The following MINPP1 variants were observed in gnomAD, a reference collection of about 807,000 sequenced individuals.
MINPP1 encodes multiple inositol polyphosphate phosphatase 1.
Under a neutral mutation model 46.1 loss-of-function variants are expected in MINPP1, and 28 were observed. The ratio of observed to expected loss-of-function variants is 0.61; its 90% CI spans 0.45 to 0.83. MINPP1 has a LOEUF of 0.83. Ranked by LOEUF, MINPP1 falls within the 40% of genes least tolerant of loss-of-function variation. The pLI, the probability that MINPP1 is intolerant of heterozygous loss-of-function variation, is 0.00. For missense variants in MINPP1, 603 were observed against 610.0 expected, an observed-to-expected ratio of 0.99 and a Z score of 0.12; for synonymous variants, 268 against 249.1, an observed-to-expected ratio of 1.08 and a Z score of -0.72.
At chr10:87,533,770 T>A (rs1291744746) in intron 4 of MINPP1, among the ~76,000 whole-genome samples, 1 of 152,194 alleles carries the variant, frequency 6.6e-6, no homozygotes, top group African/African-American at 2.4e-5. Flanking sequence ...GTCTATAAGG[T>A]ATGGCTTTTT....
At chr10:87,542,255 A>C (rs1851825402) in intron 4 of MINPP1, among the ~76,000 whole-genome samples, 1 of 152,110 alleles carries the variant, frequency 6.6e-6, no homozygotes, top group Non-Finnish European at 1.5e-5. Flanking sequence ...GCTCTGTGCA[A>C]ATCTGAAACC....
At chr10:87,523,041 G>C (rs983344387) in intron 4 of MINPP1, among the ~76,000 whole-genome samples, 1 of 152,156 alleles carries the variant, frequency 6.6e-6, no homozygotes, top group East Asian at 1.9e-4. Flanking sequence ...GTTTGATCAT[G>C]ATATTGCAGT....
chr10:87,538,433 G>A (rs1339955151), intron 4 of MINPP1, among the ~76,000 whole-genome samples: 2 of 152,306 alleles, frequency 1.3e-5, no homozygotes, highest in East Asian at 1.9e-4. Context: ...CTATTGTTGA[G>A]TGTCTGAAAC....
intron 4 of MINPP1, among the ~76,000 whole-genome samples, chr10:87,533,756 CAT>C (rs1851692416): frequency 6.6e-6 from 1 of 151,856 alleles, no homozygotes; most frequent in African/African-American, 2.4e-5. Flanking sequence ...TTTCAGATTT[CAT>C]AGTCTATAAG....
intron 4 of MINPP1, among the ~76,000 whole-genome samples, chr10:87,539,139 A>G (rs767817232): frequency 1.5e-4 from 23 of 152,324 alleles, no homozygotes; most frequent in Non-Finnish European, 2.8e-4. Flanking sequence ...GTTATTCCTA[A>G]AATAAGAAGG....
chr10:87,519,180 A>T (rs1243501899), intron 3 of MINPP1, among the ~76,000 whole-genome samples: 1 of 152,222 alleles, frequency 6.6e-6, no homozygotes, highest in African/African-American at 2.4e-5. Flanking sequence ...GACGAAAGCC[A>T]ATATATACAT....
intron 4 of MINPP1, among the ~76,000 whole-genome samples, chr10:87,542,313 C>T (rs1231652342): frequency 1.2e-4 from 16 of 133,890 alleles, no homozygotes; most frequent in Admixed American, 3.7e-4. Context: ...TTCTCTCTCT[C>T]TCTCTTTTTT....
intron 4 of MINPP1, among the ~76,000 whole-genome samples, chr10:87,530,037 C>T (rs1444873866): frequency 6.6e-6 from 1 of 152,130 alleles, no homozygotes; most frequent in Non-Finnish European, 1.5e-5. Context: ...GTTCTCGTGC[C>T]ATGGTTTTCA....
intron 4 of MINPP1, among the ~76,000 whole-genome samples, chr10:87,528,692 T>A (rs970855643): frequency 3.3e-5 from 5 of 152,216 alleles, no homozygotes; most frequent in Admixed American, 2.6e-4. Flanking sequence ...TCTGTTGATT[T>A]GGGGTGGAGA....
chr10:87,526,377 C>T (rs1292032625), intron 4 of MINPP1, among the ~76,000 whole-genome samples: 1 of 152,194 alleles, frequency 6.6e-6, no homozygotes, highest in African/African-American at 2.4e-5. Flanking sequence ...TATCCACCCA[C>T]TTTTTGATGG....
intron 2 of MINPP1, among the ~76,000 whole-genome samples, chr10:87,509,249 A>T (rs974222617): frequency 6.6e-6 from 1 of 152,164 alleles, no homozygotes; most frequent in African/African-American, 2.4e-5. Flanking sequence ...ACATGCAAAG[A>T]TTGTAGATTA....
intron 4 of MINPP1, among the ~76,000 whole-genome samples, chr10:87,543,017 A>G (rs1287194118): frequency 6.6e-6 from 1 of 152,182 alleles, no homozygotes; most frequent in Admixed American, 6.5e-5. Flanking sequence ...TAGCGATATG[A>G]ACAGTGAAGT....
In MINPP1 at chr10:87,545,810, G is replaced by A. The variant is rs1006576075; in HGVS notation, c.1068-6272G>A. On this transcript the variant is annotated intron_variant, in intron 4 of 4. Coordinates refer to ENST00000371996, the MANE Select transcript of MINPP1 (RefSeq NM_004897.5). ...AAATAGCTATTAATTACTGATTGGA[G>A]ATTTGGCCCAGATACTGGTTTTATG... Among the ~76,000 whole-genome samples, 17 of 152,060 alleles carry A rather than the reference G, an allele frequency of 1.1e-4. 1 individual carries two copies. Among genetic ancestry groups the A allele is most frequent in the Non-Finnish European group, 1.5e-5 (1 of 68,016 alleles).
At chr10:87,525,146 A>G (rs1435981622) in intron 4 of MINPP1, among the ~76,000 whole-genome samples, 1 of 152,244 alleles carries the variant, frequency 6.6e-6, no homozygotes, top group African/African-American at 2.4e-5. Flanking sequence ...CCTGTATCAT[A>G]TACAGTTTAC....
intron 4 of MINPP1, among the ~76,000 whole-genome samples, chr10:87,525,666 A>G (rs2131820170): frequency 6.6e-6 from 1 of 152,252 alleles, no homozygotes; most frequent in East Asian, 1.9e-4. Context: ...CATTTACGTT[A>G]GGTATATCTC....
chr10:87,544,564 C>T (rs2131840617), intron 4 of MINPP1, among the ~76,000 whole-genome samples: 1 of 152,258 alleles, frequency 6.6e-6, no homozygotes, highest in African/African-American at 2.4e-5. Context: ...CTGAAGCTAT[C>T]AATCAACATG....
Position 87,552,888 on chromosome 10 carries a change from CTCT to C in MINPP1, c.*415_*417del, listed in dbSNP as rs1281161010. On this transcript the variant is annotated 3_prime_UTR_variant, in exon 5 of 5. Coordinates refer to ENST00000371996, the MANE Select transcript of MINPP1 (RefSeq NM_004897.5). ...ACTTTACAGATTGTTCTGCAGTTCTCTCTTCTTTTCCTCAGGTAGGACAGCTCT... is the reference window on the plus strand; with the variant it reads ...ACTTTACAGATTGTTCTGCAGTTCTCTCTTTTCCTCAGGTAGGACAGCTCT... The C allele has an allele frequency of 5.7e-6, 1 of 175,294 alleles. No homozygotes were observed. Among genetic ancestry groups the C allele is most frequent in the Non-Finnish European group, 1.2e-5 (1 of 82,486 alleles). The allele number at this position is 175,294 out of a possible 1,614,324, so 10.9% of individuals were successfully genotyped here. A position where few individuals can be genotyped will look rare whatever the true frequency, so the allele number is the denominator to read the frequency against.
chr10:87,543,380 A>G (rs7475139), intron 4 of MINPP1, among the ~76,000 whole-genome samples: 17,111 of 152,222 alleles, frequency 0.11, 2,041 homozygotes, highest in East Asian at 0.31. Flanking sequence ...TGGCCAGGGC[A>G]CAGTAGCTCA....
rs535535931 is a variant in MINPP1, at chr10:87,552,262, A to T, written c.1248A>T (p.Ile416=). ...GLIVPYASNL[I]FVLYHCENAK... ...TTGTACCTTATGCCTCGAACCTGAT[A>T]TTTGTGCTTTACCACTGTGAAAATG... Residue 416 remains isoleucine, a synonymous_variant, in exon 5 of 5, where the codon ATA becomes ATT. Coordinates refer to ENST00000371996, the MANE Select transcript of MINPP1 (RefSeq NM_004897.5). The T allele has an allele frequency of 5.0e-6, 8 of 1,613,884 alleles. No homozygotes were observed. In the East Asian group the frequency reaches 1.8e-4, roughly 36 times the overall value.
Sources: gnomAD v4.1 joint callset for allele counts (sites outside exome capture counted in the v4.1 genomes callset) on GRCh38, gnomAD v4.1.1 for gene constraint, MANE v1.5 for transcripts, NCBI Gene and HGNC (gene_info 2026-07-23, HGNC 2026-07-21) for gene names.